The following PDE1A variants were observed in gnomAD, a reference collection of about 807,000 sequenced individuals.
PDE1A encodes the protein dual specificity calcium/calmodulin-dependent 3',5'-cyclic nucleotide phosphodiesterase 1A.
A neutral mutation model predicts 61.7 loss-of-function variants in PDE1A; 35 were observed. That is an observed-to-expected ratio of 0.57 (90% CI 0.43 to 0.75). The LOEUF (loss-of-function observed/expected upper bound fraction) is 0.75, where lower values mean the gene tolerates loss of function less well. PDE1A is among the 30% of genes least tolerant of loss of function. The pLI, the probability that PDE1A is intolerant of heterozygous loss-of-function variation, is 0.00. For synonymous variants in PDE1A, 232 were observed against 213.2 expected (o/e 1.09, Z -0.77); for missense variants, 597 against 630.6 (o/e 0.95, Z 0.57).
intron 1 of PDE1A, among the ~76,000 whole-genome samples, chr2:182,266,971 G>A (rs551690909): frequency 8.5e-5 from 13 of 152,160 alleles, no homozygotes; most frequent in Admixed American, 3.9e-4. Context: ...ATTATTTTGT[G>A]GTTTCTTTTA....
the PDE1A span, among the ~76,000 whole-genome samples, chr2:182,707,690 T>A: frequency 6.6e-6 from 1 of 152,238 alleles, no homozygotes; most frequent in African/African-American, 2.4e-5. Flanking sequence ...GGATTCACCA[T>A]GGATTCTATC....
chr2:182,549,245 T>C, the PDE1A span, among the ~76,000 whole-genome samples: 1 of 152,276 alleles, frequency 6.6e-6, no homozygotes, highest in Non-Finnish European at 1.5e-5. Context: ...TTCTATTGTA[T>C]GTTTCATAGA....
chr2:182,648,560 G>A, the PDE1A span, among the ~76,000 whole-genome samples: 1 of 144,094 alleles, frequency 6.9e-6, no homozygotes, highest in East Asian at 2.0e-4. Context: ...GGATGTAGTG[G>A]TGCACTGGTG....
intron 1 of PDE1A, among the ~76,000 whole-genome samples, chr2:182,330,345 A>T (rs1480745332): frequency 6.1e-4 from 1 of 1,650 alleles, no homozygotes; most frequent in Non-Finnish European, 0.062. Flanking sequence ...ACTCAGTCTT[A>T]AAAAAAAAAA....
chr2:182,273,068 G>A (rs1192290869), intron 1 of PDE1A, among the ~76,000 whole-genome samples: 1 of 151,948 alleles, frequency 6.6e-6, no homozygotes, highest in Non-Finnish European at 1.5e-5. Context: ...AATCAAGAAA[G>A]AATACAGCAT....
In PDE1A at chr2:182,376,362, T is replaced by C. The variant is rs145961207; in HGVS notation, c.53+50216A>G. 4.0e-3 allele frequency among the ~76,000 whole-genome samples: 610 copies of C among 152,288 alleles called. 4 individuals carry two copies. Among genetic ancestry groups the C allele is most frequent in the African/African-American group, 0.014 (580 of 41,568 alleles). On this transcript the variant is annotated intron_variant, in intron 1 of 13. Coordinates refer to ENST00000351439, the Ensembl canonical transcript of PDE1A. Reference sequence around the variant, plus strand: ...GATTCCCTACATCATCTCTCTCAAGTACAAAGTTCCAAAAAACTCTAGGGA... The same window carrying C: ...GATTCCCTACATCATCTCTCTCAAGCACAAAGTTCCAAAAAACTCTAGGGA...
At chr2:182,670,618 C>T in the PDE1A span, among the ~76,000 whole-genome samples, 2 of 152,020 alleles carry the variant, frequency 1.3e-5, no homozygotes, top group South Asian at 4.1e-4. Context: ...TGATGGGTGC[C>T]GAAGCCTCTT....
At chr2:182,508,131 A>G (rs936112690) in intron 2 of PDE1A, among the ~76,000 whole-genome samples, 1 of 152,026 alleles carries the variant, frequency 6.6e-6, no homozygotes, top group African/African-American at 2.4e-5. Flanking sequence ...TTAAGGATAA[A>G]AATTTTATGA....
chr2:182,499,173 G>GTTTTTTT (rs545033513), intron 2 of PDE1A, among the ~76,000 whole-genome samples: 15 of 77,304 alleles, frequency 1.9e-4, no homozygotes, highest in African/African-American at 8.0e-4. Flanking sequence ...TCTTTTTCTT[G>GTTTTTTT]TTTTTTTTTT....
At chr2:182,349,675 G>A (rs1253358478) in intron 1 of PDE1A, among the ~76,000 whole-genome samples, 6 of 152,076 alleles carry the variant, frequency 3.9e-5, no homozygotes, top group Middle Eastern at 3.2e-3. Context: ...CAGGAGAATC[G>A]CTTGAATCCG....
At chr2:182,457,362 CTTAG>C (rs34988767) in intron 2 of PDE1A, among the ~76,000 whole-genome samples, 37,864 of 151,594 alleles carry the variant, frequency 0.25, 4,870 homozygotes, top group Middle Eastern at 0.35. Context: ...ATATTAAGCA[CTTAG>C]TTAAACAGGT....
the PDE1A span, among the ~76,000 whole-genome samples, chr2:182,602,463 CAGAT>C: frequency 6.6e-6 from 1 of 152,236 alleles, no homozygotes; most frequent in East Asian, 1.9e-4. Context: ...AATCAGCCCT[CAGAT>C]GGACATGGAA....
chr2:182,631,773 T>G, the PDE1A span, among the ~76,000 whole-genome samples: 2 of 152,356 alleles, frequency 1.3e-5, no homozygotes, highest in Admixed American at 1.3e-4. Flanking sequence ...TGACATGGTT[T>G]TCACATGGAA....
Position 182,508,728 on chromosome 2 carries a change from CT to C in PDE1A, c.101+13547del, listed in dbSNP as rs569861354. ...GGGTATCAAAGCCATTTGTAAATTT[CT>C]TTTTTTTTTTATTTTTTTTTTATTT... On this transcript the variant is annotated intron_variant, in intron 2 of 14. Transcript: ENST00000410103. Among the ~76,000 whole-genome samples the C allele has an allele frequency of 7.9e-3, 958 of 121,498 alleles. 9 individuals carry two copies. The highest frequency in any genetic ancestry group is 0.024 in the African/African-American group (808 of 33,520). 79.7% of individuals were successfully genotyped at this position (121,498 alleles called of 152,430 possible).
rs184222494 is a variant in PDE1A at position 182,209,830 on chromosome 2, T to A, written c.777-3765A>T. ...ATGCCTTCTGTATGGCATCTGGAACTATGAGTCAATTGAACCTCTTTTCTT... is the reference window on the plus strand; with the variant it reads ...ATGCCTTCTGTATGGCATCTGGAACAATGAGTCAATTGAACCTCTTTTCTT... On this transcript the variant is annotated intron_variant, in intron 7 of 13. Coordinates refer to ENST00000351439, the Ensembl canonical transcript of PDE1A. 4.3e-4 allele frequency among the ~76,000 whole-genome samples: 65 copies of A among 152,284 alleles called. No individual in the cohort carries two copies. In the East Asian group the frequency reaches 5.8e-3, roughly 14 times the overall value.
chr2:182,530,699 T>C, the PDE1A span, among the ~76,000 whole-genome samples: 1 of 152,120 alleles, frequency 6.6e-6, no homozygotes, highest in Non-Finnish European at 1.5e-5. Flanking sequence ...GAAATGAAGG[T>C]AAAACTAAGA....
At chr2:182,692,796 T>TTCC in the PDE1A span, among the ~76,000 whole-genome samples, 7 of 151,898 alleles carry the variant, frequency 4.6e-5, no homozygotes, top group Non-Finnish European at 1.0e-4. Context: ...TTCCTAGTTC[T>TTCC]TACACAGTAG....
intron 13 of PDE1A, among the ~76,000 whole-genome samples, chr2:182,162,697 C>G (rs978858890): frequency 6.6e-6 from 1 of 152,128 alleles, no homozygotes; most frequent in Admixed American, 6.6e-5. Context: ...GGATGACTGG[C>G]CACTGGCTCT....
At chr2:182,504,799 A>G (rs1388886065) in intron 2 of PDE1A, among the ~76,000 whole-genome samples, 2 of 152,262 alleles carry the variant, frequency 1.3e-5, no homozygotes, top group East Asian at 3.8e-4. Context: ...GACAGCTTCA[A>G]AATGGTGACT....
Sources: gnomAD v4.1 joint callset for allele counts (sites outside exome capture counted in the v4.1 genomes callset) on GRCh38, gnomAD v4.1.1 for gene constraint, MANE v1.5 for transcripts, NCBI Gene and HGNC (gene_info 2026-07-23, HGNC 2026-07-21) for gene names.